Variants in RFX3 observed in about 807,000 individuals in gnomAD.
RFX3 encodes regulatory factor X3.
RFX3 carries 14 observed loss-of-function variants against 98.6 expected under a neutral mutation model. The observed-to-expected ratio is 0.14, with a 90% CI of 0.09 to 0.22. The LOEUF is 0.22. RFX3 is among the 10% of genes least tolerant of loss of function. RFX3 has a pLI of 1.00. For synonymous variants in RFX3, 383 were observed against 328.4 expected (o/e 1.17, Z -1.80); for missense variants, 639 against 926.9 (o/e 0.69, Z 4.03).
chr9:3,505,208 A>G (rs1212048625), intron 1 of RFX3, among the ~76,000 whole-genome samples: 9 of 82,210 alleles, frequency 1.1e-4, no homozygotes, highest in Admixed American at 1.9e-4. Flanking sequence ...ATTTATATAT[A>G]TATGAATATA....
intron 14 of RFX3, among the ~76,000 whole-genome samples, chr9:3,254,460 A>G (rs1049351658): frequency 4.6e-5 from 7 of 152,150 alleles, no homozygotes; most frequent in Non-Finnish European, 2.9e-5. Flanking sequence ...CATGGAGCAC[A>G]TATACCACTT....
At chr9:3,268,101 C>T (rs1239178526) in intron 11 of RFX3, among the ~76,000 whole-genome samples, 1 of 151,752 alleles carries the variant, frequency 6.6e-6, no homozygotes, top group East Asian at 1.9e-4. Flanking sequence ...GTTATACTTC[C>T]AATTGTACAT....
At chr9:3,315,695 C>T (rs1185280860) in intron 4 of RFX3, among the ~76,000 whole-genome samples, 2 of 152,112 alleles carry the variant, frequency 1.3e-5, no homozygotes, top group Non-Finnish European at 2.9e-5. Context: ...AAGGGGATAT[C>T]ACCACCGATC....
In RFX3 at chr9:3,270,359, C is replaced by T. The variant is rs762569412; in HGVS notation, c.1357+12G>A. The T allele has an allele frequency of 5.0e-6, 8 of 1,608,684 alleles. No homozygotes were observed. In the African/African-American group the frequency reaches 1.1e-4, roughly 22 times the overall value. On this transcript the variant is annotated intron_variant, in intron 11 of 16. Coordinates refer to ENST00000617270, the MANE Select transcript of RFX3 (RefSeq NM_001282116.2). ...GAACAAAAGCATCCGTACTCGTCTG[C>T]ATTTAACTTACTAGGAATAGGTCTA...
At chr9:3,299,568 G>C (rs1350931646) in intron 5 of RFX3, among the ~76,000 whole-genome samples, 1 of 151,520 alleles carries the variant, frequency 6.6e-6, no homozygotes, top group Non-Finnish European at 1.5e-5. Context: ...ATCAACATTT[G>C]CGCCCACTCT....
chr9:3,363,534 T>C (rs770978479), intron 2 of RFX3, among the ~76,000 whole-genome samples: 2 of 152,236 alleles, frequency 1.3e-5, no homozygotes, highest in Non-Finnish European at 2.9e-5. Flanking sequence ...CAAAGCACTA[T>C]AGTCTAAATA....
chr9:3,257,672 G>C (rs1333923538), intron 13 of RFX3, among the ~76,000 whole-genome samples: 4 of 152,130 alleles, frequency 2.6e-5, no homozygotes, highest in Admixed American at 1.3e-4. Context: ...GGCCAAAAGA[G>C]GTCCCCTCAA....
chr9:3,308,484 A>C (rs370973707), intron 4 of RFX3, among the ~76,000 whole-genome samples: 2 of 152,330 alleles, frequency 1.3e-5, no homozygotes, highest in East Asian at 3.9e-4. Context: ...GCCCAGCCTT[A>C]GGAATTATAT....
At chr9:3,397,058 G>A (rs1161984343) in intron 1 of RFX3, among the ~76,000 whole-genome samples, 1 of 152,148 alleles carries the variant, frequency 6.6e-6, no homozygotes, top group Non-Finnish European at 1.5e-5. Context: ...GTTGAAAGAT[G>A]AGGGAGACTA....
At chr9:3,382,194 G>A (rs1418321145) in intron 2 of RFX3, among the ~76,000 whole-genome samples, 2 of 152,046 alleles carry the variant, frequency 1.3e-5, no homozygotes, top group African/African-American at 4.8e-5. Context: ...ACCACACTTG[G>A]CCTGAGGCTT....
chr9:3,523,929 G>A (rs1333387413), intron 1 of RFX3, among the ~76,000 whole-genome samples: 2 of 152,014 alleles, frequency 1.3e-5, no homozygotes, highest in African/African-American at 2.4e-5. Context: ...AATTGAAAAA[G>A]TTTTTTTAAA....
intron 1 of RFX3, among the ~76,000 whole-genome samples, chr9:3,518,222 A>T (rs548906579): frequency 6.6e-6 from 1 of 152,314 alleles, no homozygotes; most frequent in South Asian, 2.1e-4. Context: ...AATTCTCAGA[A>T]CATATCCATA....
chr9:3,500,371 T>C (rs1287450093), intron 1 of RFX3, among the ~76,000 whole-genome samples: 1 of 152,056 alleles, frequency 6.6e-6, no homozygotes, highest in Non-Finnish European at 1.5e-5. Context: ...AAAAGAAATG[T>C]GGATTCATTT....
chr9:3,482,527 T>C (rs1468015615), intron 1 of RFX3, among the ~76,000 whole-genome samples: 2 of 152,232 alleles, frequency 1.3e-5, no homozygotes, highest in African/African-American at 4.8e-5. Flanking sequence ...TCACTTAAAA[T>C]AATGTCAACT....
chr9:3,250,725 A>T (rs752996898), intron 14 of RFX3, among the ~76,000 whole-genome samples: 8 of 152,104 alleles, frequency 5.3e-5, no homozygotes, highest in Non-Finnish European at 1.0e-4. Context: ...TAAACAAGTT[A>T]TGGCTCATCC....
intron 1 of RFX3, among the ~76,000 whole-genome samples, chr9:3,450,301 T>TAAC (rs1846462306): frequency 6.6e-6 from 1 of 152,168 alleles, no homozygotes; most frequent in Non-Finnish European, 1.5e-5. Flanking sequence ...ACGAGATATA[T>TAAC]AACAGGGAAC....
intron 1 of RFX3, among the ~76,000 whole-genome samples, chr9:3,400,486 T>G (rs533929203): frequency 6.6e-6 from 1 of 152,362 alleles, no homozygotes; most frequent in Non-Finnish European, 1.5e-5. Context: ...GTTCTGTTTA[T>G]TCCCAAATTA....
chr9:3,270,082 G>GAAAGAAAGAAAGAAAGAAAGAAAT (rs1824197556), intron 11 of RFX3, among the ~76,000 whole-genome samples: 7 of 2,500 alleles, frequency 2.8e-3, no homozygotes, highest in African/African-American at 3.7e-3. Flanking sequence ...GAGAAAGAAG[G>GAAAGAAAGAAAGAAAGAAAGAAAT]AAAGAAAGAA....
chr9:3,327,443 C>A (rs1042746308), intron 4 of RFX3, among the ~76,000 whole-genome samples: 2 of 152,078 alleles, frequency 1.3e-5, no homozygotes, highest in African/African-American at 4.8e-5. Context: ...TTTCAATAAT[C>A]AATTCAAGGT....
Sources: gnomAD v4.1 joint callset for allele counts (sites outside exome capture counted in the v4.1 genomes callset) on GRCh38, gnomAD v4.1.1 for gene constraint, MANE v1.5 for transcripts, NCBI Gene and HGNC (gene_info 2026-07-23, HGNC 2026-07-21) for gene names.